The following VGLL4 variants were observed in gnomAD, a reference collection of about 807,000 sequenced individuals.
VGLL4 encodes transcription cofactor vestigial-like protein 4.
In VGLL4, 7 loss-of-function variants were observed where a neutral mutation model predicts 21.0. The observed-to-expected ratio is 0.33, with a 90% CI of 0.19 to 0.63. The LOEUF (loss-of-function observed/expected upper bound fraction) is 0.63. Among genes scored for constraint, VGLL4 ranks in the 20% least tolerant of loss-of-function variants. The pLI, the probability that VGLL4 is intolerant of heterozygous loss-of-function variation, is 0.78. For missense variants in VGLL4, 394 were observed against 425.7 expected (o/e 0.93, Z 0.66); for synonymous variants, 222 against 173.2 (o/e 1.28, Z -2.21).
At chr3:11,706,174 A>G (rs764368241) in intron 1 of VGLL4, among the ~76,000 whole-genome samples, 2 of 152,234 alleles carry the variant, frequency 1.3e-5, no homozygotes, top group African/African-American at 2.4e-5. Context: ...ATTCTAGCAT[A>G]GCGGAATATT....
At chr3:11,697,251 C>T (rs1182062138) in intron 2 of VGLL4, among the ~76,000 whole-genome samples, 1 of 151,830 alleles carries the variant, frequency 6.6e-6, no homozygotes, top group Non-Finnish European at 1.5e-5. Flanking sequence ...TAGGCACACA[C>T]CACCACACCC....
intron 1 of VGLL4, among the ~76,000 whole-genome samples, chr3:11,708,542 G>C (rs939772290): frequency 6.6e-6 from 1 of 151,308 alleles, no homozygotes; most frequent in African/African-American, 2.4e-5. Context: ...TGCCTGGAGG[G>C]CCTGCAACAC....
In VGLL4 at chr3:11,565,016, G is replaced by A. The variant is rs61744984; in HGVS notation, c.276C>T (p.Asn92=). ...KMSRIFNPHL[N]KTANGDCRRD... is the part of the protein sequence containing the mutation. The stretch of plus-strand genomic sequence containing the variant: ...TGCGGCAGTCTCCATTGGCAGTCTT[G>A]TTCCTGAAAAAGAGGAATGGGCATT... The change falls in exon 3 of 5, where the codon AAC becomes AAT. Residue 92 remains asparagine, a synonymous_variant. Transcript: ENST00000430365. This position sits in a 1 kb window ranked among gnomAD's most constrained non-coding sequence, Gnocchi z 4.1. The A allele has an allele frequency of 9.7e-3, 14,358 of 1,480,988 alleles. 248 individuals are homozygous for A. Among genetic ancestry groups the A allele is most frequent in the East Asian group, 0.083 (3,220 of 38,832 alleles). 91.7% of individuals were successfully genotyped at this position (1,480,988 alleles called of 1,614,324 possible).
rs566500499 is a variant in VGLL4 at position 11,564,771 on chromosome 3, C to G, written c.495+26G>C. On this transcript the variant is annotated intron_variant, in intron 3 of 4. Transcript: ENST00000430365. ...AGTCCCCCAGCCCCTGGACTCCCCACGCCACCCTCCCAGACAGAGGCCCAC... is the reference window on the plus strand; with the variant it reads ...AGTCCCCCAGCCCCTGGACTCCCCAGGCCACCCTCCCAGACAGAGGCCCAC... The G allele has an allele frequency of 3.0e-4, 463 of 1,531,760 alleles. 7 individuals are homozygous for G. The East Asian group carries it at 0.011, about 37-fold the overall frequency. The allele number at this position is 1,531,760 out of a possible 1,614,324, so 94.9% of individuals were successfully genotyped here.
chr3:11,697,800 G>A (rs865971771), intron 2 of VGLL4, among the ~76,000 whole-genome samples: 14 of 152,228 alleles, frequency 9.2e-5, no homozygotes, highest in Middle Eastern at 3.4e-3. Flanking sequence ...AAGGAGTATG[G>A]TAATCAATGC....
At chr3:11,575,442 C>T (rs1230856756) in intron 2 of VGLL4, among the ~76,000 whole-genome samples, 2 of 152,196 alleles carry the variant, frequency 1.3e-5, no homozygotes, top group African/African-American at 2.4e-5. Context: ...GAATGTGCAT[C>T]GTGTGTGAGT....
intron 2 of VGLL4, among the ~76,000 whole-genome samples, chr3:11,698,272 G>A (rs765747775): frequency 9.2e-5 from 14 of 152,154 alleles, no homozygotes; most frequent in Non-Finnish European, 1.5e-5. Flanking sequence ...ATTTTGGGAG[G>A]CCAAGGCGGG....
chr3:11,631,285 C>T (rs1482226633), intron 1 of VGLL4, among the ~76,000 whole-genome samples: 2 of 152,020 alleles, frequency 1.3e-5, no homozygotes, highest in Non-Finnish European at 2.9e-5. Flanking sequence ...GTAGTCAGCC[C>T]CAATCAAAAA....
At chr3:11,621,785 C>G (rs73127120) in intron 1 of VGLL4, among the ~76,000 whole-genome samples, 1 of 152,156 alleles carries the variant, frequency 6.6e-6, no homozygotes, top group Non-Finnish European at 1.5e-5. Flanking sequence ...CCACCAGCAA[C>G]GTATGAGGCA....
At chr3:11,614,972 T>C (rs2075134666) in intron 1 of VGLL4, among the ~76,000 whole-genome samples, 1 of 152,226 alleles carries the variant, frequency 6.6e-6, no homozygotes, top group Non-Finnish European at 1.5e-5. Flanking sequence ...TTTACCTTGA[T>C]TCACCTATCA....
At chr3:11,662,230 AAACTGCACCCG>A (rs2076048534) in intron 2 of VGLL4, among the ~76,000 whole-genome samples, 1 of 152,240 alleles carries the variant, frequency 6.6e-6, no homozygotes, top group African/African-American at 2.4e-5. Context: ...CCTCTGAGTC[AAACTGCACCCG>A]AAGCCCACCA....
intron 2 of VGLL4, among the ~76,000 whole-genome samples, chr3:11,573,303 GAAA>G (rs1559870006): frequency 0.24 from 5,492 of 23,290 alleles, 769 homozygotes; most frequent in South Asian, 0.26. Context: ...AAGAAAGAAA[GAAA>G]GGAAGGAAGG....
rs565168362 is a variant in VGLL4 at position 11,627,794 on chromosome 3, T to C, written c.82+15643A>G. Among the ~76,000 whole-genome samples, 10 of 152,276 alleles carry C rather than the reference T, an allele frequency of 6.6e-5. No homozygotes were observed. In the South Asian group the frequency reaches 2.1e-3, roughly 32 times the overall value. On this transcript the variant is annotated intron_variant, in intron 1 of 4. Coordinates refer to ENST00000430365, the MANE Select transcript of VGLL4 (RefSeq NM_001128219.3). Reference sequence around the variant, plus strand: ...TAACTGCCAAATGTATATTACAGACTATAAACTCAACAGAAATTCAAAAGA... The same window carrying C: ...TAACTGCCAAATGTATATTACAGACCATAAACTCAACAGAAATTCAAAAGA...
intron 2 of VGLL4, among the ~76,000 whole-genome samples, chr3:11,691,796 C>T (rs2076530236): frequency 6.6e-6 from 1 of 151,978 alleles, no homozygotes; most frequent in South Asian, 2.1e-4. Flanking sequence ...AAAATCATTG[C>T]TTAGGTACCA....
chr3:11,639,778 A>G (rs1299012533), intron 1 of VGLL4, among the ~76,000 whole-genome samples: 4 of 152,204 alleles, frequency 2.6e-5, no homozygotes, highest in Non-Finnish European at 4.4e-5. Flanking sequence ...AGTGAGGCTG[A>G]GGCAGGAAAA....
intron 2 of VGLL4, among the ~76,000 whole-genome samples, chr3:11,681,222 C>T (rs2076364463): frequency 1.3e-5 from 2 of 152,100 alleles, no homozygotes; most frequent in African/African-American, 2.4e-5. Flanking sequence ...CTCAGCCTCC[C>T]GAGTAGCTGG....
At chr3:11,682,126 G>A (rs528496520) in intron 2 of VGLL4, among the ~76,000 whole-genome samples, 5 of 152,234 alleles carry the variant, frequency 3.3e-5, no homozygotes, top group East Asian at 3.9e-4. Flanking sequence ...AGGTGTGGCC[G>A]GGTGCAGTGG....
At chr3:11,685,202 T>G (rs1336156128) in intron 2 of VGLL4, among the ~76,000 whole-genome samples, 3 of 8,148 alleles carry the variant, frequency 3.7e-4, no homozygotes, top group Non-Finnish European at 7.0e-4. Flanking sequence ...ATGGTGTTGT[T>G]TTTTTTTTTT....
chr3:11,647,831 G>C (rs529033381), upstream of VGLL4, among the ~76,000 whole-genome samples: 2 of 152,214 alleles, frequency 1.3e-5, no homozygotes, highest in South Asian at 4.1e-4. Flanking sequence ...CTAAACGGCA[G>C]ATTCTTCATT....
Sources: allele counts gnomAD v4.1 joint callset (sites outside exome capture counted in the v4.1 genomes callset), GRCh38; gene constraint gnomAD v4.1.1; non-coding constraint Gnocchi (gnomAD v3.1); transcripts MANE v1.5; gene names NCBI Gene and HGNC (gene_info 2026-07-23, HGNC 2026-07-21).